ACO1: variants seen among roughly 807,000 people sequenced by gnomAD.
The protein encoded by ACO1 is aconitase 1.
A neutral mutation model predicts 105.1 loss-of-function variants in ACO1; 78 were observed. The observed-to-expected ratio is 0.74, with a 90% CI of 0.62 to 0.90. The LOEUF is 0.90. ACO1 is among the 40% of genes least tolerant of loss of function. The pLI is 0.00. For synonymous variants in ACO1, 364 were observed against 397.4 expected (o/e 0.92, Z 1.00); for missense variants, 965 against 1,111.1 (o/e 0.87, Z 1.87).
chr9:32,443,166 C>T (rs1441601848), intron 19 of ACO1, among the ~76,000 whole-genome samples: 3 of 151,974 alleles, frequency 2.0e-5, no homozygotes, highest in South Asian at 2.1e-4. Flanking sequence ...GAAGAAAGCA[C>T]GGTGTTATGA....
intron 4 of ACO1, among the ~76,000 whole-genome samples, chr9:32,413,338 G>A (rs1305633252): frequency 6.6e-6 from 1 of 152,026 alleles, no homozygotes; most frequent in Non-Finnish European, 1.5e-5. Flanking sequence ...CAAAAAATTA[G>A]CCGGGCATGG....
chr9:32,453,621 T>C lies in ACO1; in HGVS notation c.*3510T>C, dbSNP rs1201713762. 1.3e-5 allele frequency: 2 copies of C among 152,302 alleles called. No homozygotes were observed. Among genetic ancestry groups the C allele is most frequent in the East Asian group, 3.9e-4 (2 of 5,188 alleles). The allele number at this position is 152,302 out of a possible 1,614,324, so 9.4% of individuals were successfully genotyped here. A position where few individuals can be genotyped will look rare whatever the true frequency, so the allele number is the denominator to read the frequency against. On this transcript the variant is annotated 3_prime_UTR_variant, in exon 21 of 21. Coordinates refer to ENST00000309951, the MANE Select transcript of ACO1 (RefSeq NM_002197.3). ...TAGAGATTTGTCTCCCAGTATTCCC[T>C]AGGGCAAAAATATTGGGAGTTCCTA...
In ACO1 at chr9:32,449,876, C is replaced by T. The variant is rs557868179; in HGVS notation, c.2557-122C>T. 1.9e-4 allele frequency: 133 copies of T among 707,478 alleles called. 1 individual carries two copies. The highest frequency in any genetic ancestry group is 1.9e-3 in the South Asian group (110 of 59,058). The allele number at this position is 707,478 out of a possible 1,614,324, so 43.8% of individuals were successfully genotyped here. Reference sequence around the variant, plus strand: ...TGGGGCCAGCAGCCTTGCATGTCCTCATGTGCTGCTGGTGTTACTGAAGTG... The same window carrying T: ...TGGGGCCAGCAGCCTTGCATGTCCTTATGTGCTGCTGGTGTTACTGAAGTG... On this transcript the variant is annotated intron_variant, in intron 20 of 20. Transcript: ENST00000309951.
At chr9:32,426,941 A>T (rs770168716) in intron 11 of ACO1, among the ~76,000 whole-genome samples, 6 of 151,754 alleles carry the variant, frequency 4.0e-5, no homozygotes, top group Non-Finnish European at 7.4e-5. Context: ...GATGATTTTC[A>T]TCCAAATAAA....
At chr9:32,403,653 C>T (rs150562393) in intron 1 of ACO1, among the ~76,000 whole-genome samples, 119 of 152,306 alleles carry the variant, frequency 7.8e-4, no homozygotes, top group Non-Finnish European at 1.4e-3. Flanking sequence ...AAGTTAACAA[C>T]TGGTTTAATC....
intron 1 of ACO1, among the ~76,000 whole-genome samples, chr9:32,402,291 A>G (rs879265976): frequency 1.3e-5 from 2 of 152,130 alleles, no homozygotes; most frequent in Non-Finnish European, 2.9e-5. Context: ...ATAGTGTGAT[A>G]TATGCTAACT....
Position 32,405,605 on chromosome 9 carries a change from T to A in ACO1, c.97+2T>A. On this transcript the variant is annotated splice_donor_variant, in intron 2 of 20. Transcript: ENST00000309951. LOFTEE classifies it high-confidence loss of function. The stretch of plus-strand genomic sequence containing the variant: ...ATAAATTGGAGGATTCAAGATATGG[T>A]AGGTACATGGCTGTGATAGCAATTG... 6.3e-7 allele frequency: 1 copy of A among 1,593,780 alleles called. No individual in the cohort carries two copies. Among genetic ancestry groups the A allele is most frequent in the Middle Eastern group, 1.7e-4 (1 of 6,020 alleles).
Position 32,423,423 on chromosome 9 carries a change from T to G in ACO1, c.1071+4T>G, listed in dbSNP as rs767349301. ...TCAAGACCCAGACTTCACCCAGGTA[T>G]GAGAGTGCCTTCCACTGTGCATGTA... On this transcript the variant is annotated splice_donor_region_variant and intron_variant, in intron 9 of 20. Transcript: ENST00000309951. 1.8e-5 allele frequency: 28 copies of G among 1,570,748 alleles called. 1 individual carries two copies. The highest frequency in any genetic ancestry group is 2.3e-5 in the South Asian group (2 of 86,672).
At chr9:32,402,096 C>T (rs1481797531) in intron 1 of ACO1, among the ~76,000 whole-genome samples, 4 of 152,244 alleles carry the variant, frequency 2.6e-5, no homozygotes, top group African/African-American at 9.6e-5. Flanking sequence ...GTTCAGCTGT[C>T]TTCATCATTC....
chr9:32,433,806 A>G lies in ACO1; in HGVS notation c.1930A>G (p.Lys644Glu), dbSNP rs901784975. 6.2e-7 allele frequency: 1 copy of G among 1,611,206 alleles called. No homozygotes were observed. The highest frequency in any genetic ancestry group is 1.3e-5 in the African/African-American group (1 of 74,894). The part of the protein sequence containing the change: ...FFWNSKSTYI[K>E]SPPFFENLTL... ...CTGGAATTCCAAATCTACGTATATC[A>G]AATCACCACCATTCTTTGAAAACCT... is the stretch of plus-strand genomic sequence containing the variant. The change falls in exon 16 of 21, where the codon AAA (lysine) becomes GAA (glutamate). Residue 644 changes from lysine to glutamate, a missense_variant. Physicochemically the swap from Lys to Glu is moderately conservative, Grantham distance 56. Coordinates refer to ENST00000309951, the MANE Select transcript of ACO1 (RefSeq NM_002197.3).
intron 1 of ACO1, among the ~76,000 whole-genome samples, chr9:32,396,006 G>A (rs1440396880): frequency 6.6e-6 from 1 of 152,240 alleles, no homozygotes; most frequent in African/African-American, 2.4e-5. Context: ...GTCAGGCATT[G>A]CTATAGCGTG....
At chr9:32,391,830 A>G (rs891379074) in intron 1 of ACO1, among the ~76,000 whole-genome samples, 3 of 152,248 alleles carry the variant, frequency 2.0e-5, no homozygotes, top group Non-Finnish European at 4.4e-5. Flanking sequence ...TAAATAAGCC[A>G]TTGCCAAGAA....
chr9:32,448,117 T>G (rs938168492), intron 19 of ACO1, among the ~76,000 whole-genome samples: 1 of 152,098 alleles, frequency 6.6e-6, no homozygotes, highest in Non-Finnish European at 1.5e-5. Flanking sequence ...AGCAGGGACA[T>G]TTAAGTGTGC....
Position 32,433,798 on chromosome 9 carries a change from C to G in ACO1, c.1922C>G (p.Thr641Arg), listed in dbSNP as rs770368084. The G allele has an allele frequency of 2.5e-6, 4 of 1,612,086 alleles. No homozygotes were observed. Among genetic ancestry groups the G allele is most frequent in the Non-Finnish European group, 3.4e-6 (4 of 1,179,532 alleles). ...DKLFFWNSKS[T>R]YIKSPPFFEN... ...CTGTTTTTCTGGAATTCCAAATCTA[C>G]GTATATCAAATCACCACCATTCTTT... Residue 641 changes from threonine (T) to arginine (R), a missense_variant, in exon 16 of 21, where the codon ACG (threonine) becomes AGG (arginine). By Grantham distance (71) the Thr-to-Arg change is moderately conservative. Transcript: ENST00000309951.
At chr9:32,418,579 C>T in intron 6 of ACO1, 68 bp downstream of exon 6, 1 of 1,488,318 alleles carries the variant, frequency 6.7e-7, no homozygotes, top group South Asian at 1.4e-5. Context: ...TATTACATCT[C>T]AGTAACATGA....
At chr9:32,426,106 C>A in intron 11 of ACO1, 109 bp downstream of exon 11, 1 of 1,109,484 alleles carries the variant, frequency 9.0e-7, no homozygotes, top group Non-Finnish European at 1.3e-6. Context: ...CCCTGAACCT[C>A]GTCTTTTCCA....
chr9:32,438,694 G>C (rs1822415046), intron 18 of ACO1, among the ~76,000 whole-genome samples: 1 of 152,144 alleles, frequency 6.6e-6, no homozygotes, highest in Non-Finnish European at 1.5e-5. Flanking sequence ...AGTGAAACAT[G>C]TCTTAAATCA....
intron 19 of ACO1, among the ~76,000 whole-genome samples, 185 bp from the exon 20 acceptor site, chr9:32,448,711 T>C (rs1056548626): frequency 6.6e-6 from 1 of 152,184 alleles, no homozygotes; most frequent in South Asian, 2.1e-4. Flanking sequence ...CCCAATGAGA[T>C]GAACCGGGTA....
In ACO1 at chr9:32,416,944, C is replaced by T. The variant is rs112033873; in HGVS notation, c.405-1184C>T. Among the ~76,000 whole-genome samples the T allele has an allele frequency of 1.5e-3, 228 of 152,338 alleles. 1 individual carries two copies. Among genetic ancestry groups the T allele is most frequent in the African/African-American group, 5.2e-3 (217 of 41,564 alleles). On this transcript the variant is annotated intron_variant, in intron 4 of 20. Coordinates refer to ENST00000309951, the MANE Select transcript of ACO1 (RefSeq NM_002197.3). Reference sequence around the variant, plus strand: ...TGTGTAAAGCTCTGAGCGCCCACAACGTAATGTTGTCCTTTAGCTCTTGCT... The same window carrying T: ...TGTGTAAAGCTCTGAGCGCCCACAATGTAATGTTGTCCTTTAGCTCTTGCT...
Sources: allele counts gnomAD v4.1 joint callset (sites outside exome capture counted in the v4.1 genomes callset), GRCh38; gene constraint gnomAD v4.1.1; transcripts MANE v1.5; gene names NCBI Gene and HGNC (gene_info 2026-07-23, HGNC 2026-07-21).